Variants in CSGALNACT1 observed in about 807,000 individuals in gnomAD.
CSGALNACT1 encodes chondroitin sulfate N-acetylgalactosaminyltransferase 1.
CSGALNACT1 carries 52 observed loss-of-function variants against 51.0 expected under a neutral mutation model. The ratio of observed to expected loss-of-function variants is 1.02; its 90% CI spans 0.82 to 1.29. The LOEUF is 1.29. Ranked by LOEUF, CSGALNACT1 falls within the 50% of genes most tolerant of loss-of-function variation. The pLI is 0.00. For missense variants in CSGALNACT1, 935 were observed against 679.2 expected, an observed-to-expected ratio of 1.38 and a Z score of -4.19; for synonymous variants, 341 against 254.4, an observed-to-expected ratio of 1.34 and a Z score of -3.24.
chr8:19,641,891 T>G (rs1370536584), intron 1 of CSGALNACT1: 2 of 152,194 alleles, frequency 1.3e-5, no homozygotes, highest in African/African-American at 4.8e-5. Flanking sequence ...ATTTTCAGCT[T>G]TGTGGGCTCC....
At chr8:19,452,001 A>C (rs2063267018) in intron 5 of CSGALNACT1, among the ~76,000 whole-genome samples, 1 of 152,246 alleles carries the variant, frequency 6.6e-6, no homozygotes, top group South Asian at 2.1e-4. Context: ...TAAATACATT[A>C]ATCTGAAATA....
chr8:19,602,146 C>G (rs2050569878), exon 1 of CSGALNACT1: 1 of 185,706 alleles, frequency 5.4e-6, no homozygotes, highest in East Asian at 1.6e-4. Context: ...AAGAGCAAAT[C>G]AAAAAAGCCG....
At chr8:19,637,129 C>G (rs976528634) in intron 1 of CSGALNACT1, among the ~76,000 whole-genome samples, 1 of 152,118 alleles carries the variant, frequency 6.6e-6, no homozygotes. Flanking sequence ...TCGCTTGAAC[C>G]CAGGAGGCAG....
At chr8:19,705,587 A>T (rs1189026134) in intron 1 of CSGALNACT1, among the ~76,000 whole-genome samples, 1 of 152,116 alleles carries the variant, frequency 6.6e-6, no homozygotes, top group African/African-American at 2.4e-5. Flanking sequence ...AATACAAAAA[A>T]TTAGCCGGGC....
intron 4 of CSGALNACT1, among the ~76,000 whole-genome samples, chr8:19,469,170 A>G (rs1197741455): frequency 1.3e-5 from 2 of 152,182 alleles, no homozygotes; most frequent in African/African-American, 4.8e-5. Context: ...TGCAAGGATC[A>G]CTTGAGGCCA....
chr8:19,755,106 A>G (rs2065272812), intron 1 of CSGALNACT1, among the ~76,000 whole-genome samples: 1 of 152,204 alleles, frequency 6.6e-6, no homozygotes. Flanking sequence ...TTAGACATGG[A>G]GGAAAGAGGA....
chr8:19,476,398 G>A (rs182465118), intron 4 of CSGALNACT1, among the ~76,000 whole-genome samples: 3 of 151,990 alleles, frequency 2.0e-5, no homozygotes, highest in African/African-American at 4.8e-5. Context: ...CCACCACCAC[G>A]CCTGGCTAAT....
chr8:19,644,654 G>A (rs779520169), intron 1 of CSGALNACT1, among the ~76,000 whole-genome samples: 26 of 141,454 alleles, frequency 1.8e-4, no homozygotes, highest in Non-Finnish European at 3.0e-4. Context: ...AGGTTGCAGT[G>A]AGCCGAGATG....
At chr8:19,405,720 C>A (rs1031654903) in exon 10 of CSGALNACT1, 3 of 1,600,584 alleles carry the variant, frequency 1.9e-6, no homozygotes, top group African/African-American at 1.3e-5. Flanking sequence ...TCTGTTGCAG[C>A]CACTTTCAGT....
At chr8:19,548,474 T>C (rs915302295) in intron 3 of CSGALNACT1, among the ~76,000 whole-genome samples, 5 of 152,222 alleles carry the variant, frequency 3.3e-5, no homozygotes, top group Admixed American at 3.3e-4. Flanking sequence ...AAAAAATATT[T>C]TGTGAAATGC....
intron 3 of CSGALNACT1, among the ~76,000 whole-genome samples, chr8:19,513,939 C>T (rs1309208532): frequency 6.6e-6 from 1 of 152,096 alleles, no homozygotes; most frequent in Non-Finnish European, 1.5e-5. Flanking sequence ...GCCAAAATGA[C>T]CTGAAAATGA....
At chr8:19,678,862 C>G (rs963542056) in intron 1 of CSGALNACT1, 1 of 152,106 alleles carries the variant, frequency 6.6e-6, no homozygotes, top group Non-Finnish European at 1.5e-5. Context: ...CCAGGAAGCC[C>G]TCATTATAAT....
chr8:19,420,573 C>T, intron 6 of CSGALNACT1, 55 bp from the exon 6 acceptor site: 1 of 1,574,536 alleles, frequency 6.4e-7, no homozygotes. Flanking sequence ...GGCAGCATCC[C>T]CTGAGAAAAT....
chr8:19,479,051 C>G (rs1284030457), intron 4 of CSGALNACT1, among the ~76,000 whole-genome samples: 2 of 152,110 alleles, frequency 1.3e-5, no homozygotes, highest in African/African-American at 4.8e-5. Context: ...GTTAAAACAC[C>G]AAAGGTTACA....
chr8:19,605,486 G>A (rs1308280241), upstream of CSGALNACT1, among the ~76,000 whole-genome samples: 1 of 152,174 alleles, frequency 6.6e-6, no homozygotes, highest in African/African-American at 2.4e-5. Context: ...CTTGTATCCG[G>A]GTCTCAGTCC....
At chr8:19,674,868 G>C (rs1016317081) in intron 1 of CSGALNACT1, among the ~76,000 whole-genome samples, 11 of 152,156 alleles carry the variant, frequency 7.2e-5, no homozygotes, top group African/African-American at 2.7e-4. Context: ...GCTTAGATTT[G>C]GGTATGAGAG....
intron 3 of CSGALNACT1, among the ~76,000 whole-genome samples, chr8:19,521,001 G>A (rs1056450036): frequency 4.6e-5 from 7 of 152,290 alleles, no homozygotes; most frequent in African/African-American, 1.7e-4. Context: ...GCACTGATAG[G>A]TTAATCTGGA....
chr8:19,482,010 C>T (rs973145726), intron 4 of CSGALNACT1, among the ~76,000 whole-genome samples: 3 of 152,102 alleles, frequency 2.0e-5, no homozygotes, highest in Non-Finnish European at 4.4e-5. Context: ...GCAAACACAC[C>T]GATGCTTTCA....
At chr8:19,472,027 T>C (rs1642201659) in intron 4 of CSGALNACT1, among the ~76,000 whole-genome samples, 2 of 152,320 alleles carry the variant, frequency 1.3e-5, no homozygotes, top group African/African-American at 4.8e-5. Context: ...CAGATCCATC[T>C]ATTCCCATCA....
Sources: gnomAD v4.1 joint callset for allele counts (sites outside exome capture counted in the v4.1 genomes callset) on GRCh38, gnomAD v4.1.1 for gene constraint, MANE v1.5 for transcripts, NCBI Gene and HGNC (gene_info 2026-07-23, HGNC 2026-07-21) for gene names.